Variants in NCKAP5 observed in about 807,000 individuals in gnomAD.
NCKAP5 encodes the protein NCK associated protein 5, also known as nck-associated protein 5.
Under a neutral mutation model 167.0 loss-of-function variants are expected in NCKAP5, and 92 were observed. The observed-to-expected ratio is 0.55, with a 90% CI of 0.47 to 0.66. NCKAP5 has a LOEUF of 0.66. Ranked by LOEUF, NCKAP5 falls within the 30% of genes least tolerant of loss-of-function variation. NCKAP5 has a pLI of 0.00. For missense variants in NCKAP5, 2,378 were observed against 2,315.0 expected (o/e 1.03, Z -0.56); for synonymous variants, 891 against 877.4 (o/e 1.02, Z -0.27).
chr2:133,451,242 T>A (rs771394073), intron 3 of NCKAP5, among the ~76,000 whole-genome samples: 9 of 152,180 alleles, frequency 5.9e-5, no homozygotes, highest in Non-Finnish European at 1.2e-4. Flanking sequence ...GATCTTACAG[T>A]CATGGATCTG....
chr2:132,972,806 T>G (rs2149241755), intron 7 of NCKAP5, among the ~76,000 whole-genome samples: 1 of 150,084 alleles, frequency 6.7e-6, no homozygotes, highest in East Asian at 2.0e-4. Context: ...GAGGTTGCAG[T>G]GAGCCAATAT....
intron 19 of NCKAP5, among the ~76,000 whole-genome samples, chr2:132,685,577 T>A (rs1042617318): frequency 4.6e-5 from 7 of 152,124 alleles, no homozygotes; most frequent in South Asian, 2.1e-4. Context: ...ATGCCGTCTC[T>A]CAACAACCTA....
chr2:133,283,197 G>A (rs2089988594), intron 4 of NCKAP5, among the ~76,000 whole-genome samples: 1 of 152,162 alleles, frequency 6.6e-6, no homozygotes, highest in Non-Finnish European at 1.5e-5. Context: ...AGGAAGGGAT[G>A]AAAATGGATA....
chr2:132,781,507 T>C (rs1034651418), intron 14 of NCKAP5, among the ~76,000 whole-genome samples: 2 of 152,174 alleles, frequency 1.3e-5, no homozygotes, highest in African/African-American at 4.8e-5. Context: ...ATTAACTACA[T>C]TTTTAGCTTA....
intron 3 of NCKAP5, among the ~76,000 whole-genome samples, chr2:133,348,399 A>G (rs1315406773): frequency 1.3e-5 from 2 of 152,170 alleles, no homozygotes; most frequent in Non-Finnish European, 2.9e-5. Flanking sequence ...TTCCAATATT[A>G]TACATCACTA....
At chr2:133,075,623 A>C (rs2080574257) in intron 6 of NCKAP5, among the ~76,000 whole-genome samples, 2 of 152,230 alleles carry the variant, frequency 1.3e-5, no homozygotes, top group South Asian at 4.1e-4. Context: ...GTTCCACTTA[A>C]AGAGGTAAAA....
intron 4 of NCKAP5, among the ~76,000 whole-genome samples, chr2:133,284,347 G>A (rs1431017320): frequency 6.6e-6 from 1 of 152,116 alleles, no homozygotes; most frequent in Non-Finnish European, 1.5e-5. Flanking sequence ...GGAGGTAGAA[G>A]AAGTTGGAAA....
chr2:133,132,481 G>GCACACACA (rs373384379), intron 5 of NCKAP5, among the ~76,000 whole-genome samples: 1,771 of 129,996 alleles, frequency 0.014, 37 homozygotes, highest in African/African-American at 0.045. Flanking sequence ...GAAAAAAAAA[G>GCACACACA]CACACACACA....
intron 11 of NCKAP5, among the ~76,000 whole-genome samples, chr2:132,854,155 G>C (rs963302269): frequency 6.6e-6 from 1 of 152,202 alleles, no homozygotes; most frequent in Admixed American, 6.6e-5. Flanking sequence ...AGCAAGAAAA[G>C]AGTAGGAATC....
chr2:133,187,486 T>C (rs1359341747), intron 5 of NCKAP5, among the ~76,000 whole-genome samples: 2 of 152,038 alleles, frequency 1.3e-5, no homozygotes, highest in South Asian at 2.1e-4. Flanking sequence ...ACCCAGGAGT[T>C]TGAGACCCAC....
At chr2:133,400,765 T>A (rs938891818) in intron 3 of NCKAP5, among the ~76,000 whole-genome samples, 6 of 152,212 alleles carry the variant, frequency 3.9e-5, no homozygotes, top group Non-Finnish European at 8.8e-5. Context: ...GATTTATTTT[T>A]AAATTTGCAT....
intron 5 of NCKAP5, among the ~76,000 whole-genome samples, chr2:133,165,172 A>G (rs2083949628): frequency 6.6e-6 from 1 of 152,228 alleles, no homozygotes; most frequent in South Asian, 2.1e-4. Flanking sequence ...ACCCCAACAC[A>G]GAATTATCTG....
At chr2:132,730,559 A>T (rs1305094533) in intron 17 of NCKAP5, among the ~76,000 whole-genome samples, 1 of 152,220 alleles carries the variant, frequency 6.6e-6, no homozygotes, top group Non-Finnish European at 1.5e-5. Context: ...ATTAGCAGCA[A>T]CATCTGAAAA....
chr2:132,789,882 G>C, intron 13 of NCKAP5, 141 bp downstream of exon 13: 1 of 699,916 alleles, frequency 1.4e-6, no homozygotes, highest in Admixed American at 3.0e-5. Context: ...ATTGATGAAA[G>C]GATGTCAGTA....
At chr2:133,110,904 TC>T (rs1032245908) in intron 6 of NCKAP5, among the ~76,000 whole-genome samples, 8 of 152,276 alleles carry the variant, frequency 5.3e-5, no homozygotes, top group African/African-American at 1.9e-4. Flanking sequence ...AAGCCTCTCT[TC>T]CCGGCTTACA....
chr2:132,881,900 A>C (rs907933787), intron 8 of NCKAP5, among the ~76,000 whole-genome samples: 1 of 146,054 alleles, frequency 6.8e-6, no homozygotes, highest in Non-Finnish European at 1.5e-5. Context: ...AGCAACCATC[A>C]ATGATTTTTA....
At chr2:133,027,391 A>G (rs1046783414) in intron 6 of NCKAP5, among the ~76,000 whole-genome samples, 1 of 152,218 alleles carries the variant, frequency 6.6e-6, no homozygotes, top group Non-Finnish European at 1.5e-5. Flanking sequence ...AGTGCTTTGC[A>G]TGTATTAACT....
chr2:133,488,178 A>G (rs1050420698), intron 3 of NCKAP5, among the ~76,000 whole-genome samples: 1 of 152,214 alleles, frequency 6.6e-6, no homozygotes, highest in African/African-American at 2.4e-5. Flanking sequence ...ATCTATTATT[A>G]TTGTTAATGT....
chr2:132,969,549 C>T (rs761487967), intron 7 of NCKAP5, among the ~76,000 whole-genome samples: 14 of 152,192 alleles, frequency 9.2e-5, no homozygotes, highest in Non-Finnish European at 1.9e-4. Flanking sequence ...GTGTCCCAAC[C>T]CTGGAGGAGT....
Sources: gnomAD v4.1 joint callset for allele counts (sites outside exome capture counted in the v4.1 genomes callset) on GRCh38, gnomAD v4.1.1 for gene constraint, MANE v1.5 for transcripts, NCBI Gene and HGNC (gene_info 2026-07-23, HGNC 2026-07-21) for gene names.